PKN2: variants seen among roughly 807,000 people sequenced by gnomAD.
PKN2 encodes protein kinase N2, also known as serine/threonine-protein kinase N2.
A neutral mutation model predicts 119.1 loss-of-function variants in PKN2; 38 were observed. The ratio of observed to expected loss-of-function variants is 0.32; its 90% CI spans 0.25 to 0.42. The LOEUF is 0.42. PKN2 is among the 10% of genes least tolerant of loss of function. PKN2 has a pLI of 1.00. For missense variants in PKN2, 850 were observed against 1,165.1 expected, an observed-to-expected ratio of 0.73 and a Z score of 3.94; for synonymous variants, 390 against 384.9, an observed-to-expected ratio of 1.01 and a Z score of -0.15.
chr1:88,728,640 A>T (rs750805483), intron 1 of PKN2, among the ~76,000 whole-genome samples: 1 of 152,168 alleles, frequency 6.6e-6, no homozygotes, highest in African/African-American at 2.4e-5. Context: ...ATGGGTTAAC[A>T]GTTCTGATCC....
At chr1:88,815,818 G>A (rs145317108) in intron 16 of PKN2, among the ~76,000 whole-genome samples, 332 of 152,290 alleles carry the variant, frequency 2.2e-3, no homozygotes, top group Middle Eastern at 3.4e-3. Flanking sequence ...GATGGTATAC[G>A]CAATTAATCA....
rs145080228 is a variant in PKN2, at chr1:88,746,364, T to C, written c.349+5076T>C. Reference sequence around the variant, plus strand: ...AATGGGAGAAAATATTTATAAATTATATATTGGATAAGGGGTCAGTAAGGA... The same window carrying C: ...AATGGGAGAAAATATTTATAAATTACATATTGGATAAGGGGTCAGTAAGGA... On this transcript the variant is annotated intron_variant, in intron 2 of 21. Coordinates refer to ENST00000370521, the MANE Select transcript of PKN2 (RefSeq NM_006256.4). Among the ~76,000 whole-genome samples, 6 of 152,220 alleles carry C rather than the reference T, an allele frequency of 3.9e-5. No homozygotes were observed. In the East Asian group the frequency reaches 1.2e-3, roughly 29 times the overall value.
intron 1 of PKN2, among the ~76,000 whole-genome samples, chr1:88,700,264 C>T (rs1383155790): frequency 1.3e-5 from 2 of 152,056 alleles, no homozygotes; most frequent in African/African-American, 4.8e-5. Flanking sequence ...AGGGTATATA[C>T]CCAGTAATGG....
chr1:88,800,085 T>A (rs1372546479), intron 8 of PKN2, among the ~76,000 whole-genome samples: 1 of 152,064 alleles, frequency 6.6e-6, no homozygotes, highest in Admixed American at 6.6e-5. Flanking sequence ...TGGAGCCTGG[T>A]TCTCATTTTC....
chr1:88,692,618 T>C (rs571191724), intron 1 of PKN2, among the ~76,000 whole-genome samples: 1 of 152,370 alleles, frequency 6.6e-6, no homozygotes, highest in African/African-American at 2.4e-5. Flanking sequence ...TTATCACTGA[T>C]GTAGAACACT....
chr1:88,726,874 G>C (rs891664606), intron 1 of PKN2, among the ~76,000 whole-genome samples: 5 of 151,922 alleles, frequency 3.3e-5, no homozygotes, highest in African/African-American at 1.2e-4. Flanking sequence ...GGTCTATCAT[G>C]GTGAGCATTT....
chr1:88,826,578 C>A (rs368423776), intron 18 of PKN2, among the ~76,000 whole-genome samples: 4 of 152,036 alleles, frequency 2.6e-5, no homozygotes, highest in Non-Finnish European at 5.9e-5. Flanking sequence ...TCATCCACCC[C>A]CCTTCCACCT....
At position 88,829,013 on chromosome 1, in the gene PKN2, TC is replaced by T. The variant is rs777941427; in HGVS notation, c.2562+392del. On this transcript the variant is annotated intron_variant, in intron 19 of 21. Coordinates refer to ENST00000370521, the MANE Select transcript of PKN2 (RefSeq NM_006256.4). ...TGTTACCTTCGACTTCCTCCAGACT[TC>T]CGTCTGAGCAACACACTCTGCATCC... The T allele has an allele frequency of 7.8e-6, 5 of 642,280 alleles. 1 individual carries two copies. Among genetic ancestry groups the T allele is most frequent in the South Asian group, 3.0e-5 (2 of 66,498 alleles). 39.8% of individuals were successfully genotyped at this position (642,280 alleles called of 1,614,324 possible).
intron 8 of PKN2, among the ~76,000 whole-genome samples, chr1:88,800,970 T>C (rs1671282350): frequency 6.6e-6 from 1 of 152,166 alleles, no homozygotes; most frequent in African/African-American, 2.4e-5. Flanking sequence ...TTTTACTCCG[T>C]CTAGAATATC....
At chr1:88,774,528 A>G (rs79816059) in intron 6 of PKN2, among the ~76,000 whole-genome samples, 2,954 of 152,316 alleles carry the variant, frequency 0.019, 94 homozygotes, top group African/African-American at 0.066. Context: ...GGAAATTCCA[A>G]AGGTTTAGAC....
chr1:88,759,489 A>G (rs1383662575), intron 2 of PKN2, among the ~76,000 whole-genome samples: 5 of 152,152 alleles, frequency 3.3e-5, no homozygotes, highest in Admixed American at 6.5e-5. Flanking sequence ...TGTCTTTTCA[A>G]AAGTATCTGT....
At chr1:88,828,755 T>G in intron 19 of PKN2, 132 bp downstream of exon 19, 1 of 691,840 alleles carries the variant, frequency 1.4e-6, no homozygotes, top group Non-Finnish European at 2.4e-6. Context: ...TATAGTATAC[T>G]AGTAGTCAGC....
chr1:88,727,399 G>C (rs939559384), intron 1 of PKN2, among the ~76,000 whole-genome samples: 1 of 152,064 alleles, frequency 6.6e-6, no homozygotes, highest in African/African-American at 2.4e-5. Context: ...TTAAACTCCT[G>C]AGCTCAAGCA....
In PKN2 at chr1:88,805,944, C is replaced by A; in HGVS notation, c.1730C>A (p.Ala577Asp). Reference protein sequence around the residue: ...DFDLEPEPPPAPPRASSLGEI... With the variant: ...DFDLEPEPPPDPPRASSLGEI... ...GATCTTGAGCCTGAACCTCCTCCAG[C>A]CCCACCACGAGCTTCTTCTCTTGGA... The change falls in exon 12 of 22, where the codon GCC becomes GAC. Residue 577 changes from alanine to aspartate, a missense_variant. Around this residue, in one of 9 missense-constraint regions of PKN2, gnomAD observed 216 missense variants for 252.8 expected, o/e 0.85. Coordinates refer to ENST00000370521, the MANE Select transcript of PKN2 (RefSeq NM_006256.4). The A allele has an allele frequency of 6.2e-7, 1 of 1,613,288 alleles. No homozygotes were observed.
chr1:88,787,488 T>C (rs1670628399), intron 8 of PKN2, among the ~76,000 whole-genome samples: 1 of 152,212 alleles, frequency 6.6e-6, no homozygotes, highest in Non-Finnish European at 1.5e-5. Flanking sequence ...GGACTGGTAC[T>C]AGACCTTCAG....
chr1:88,699,072 T>G (rs1022940534), intron 1 of PKN2, among the ~76,000 whole-genome samples: 2 of 152,072 alleles, frequency 1.3e-5, no homozygotes, highest in African/African-American at 4.8e-5. Context: ...ATTCTTTCCT[T>G]CCTTCCTTCT....
At chr1:88,755,165 A>G (rs892982081) in intron 2 of PKN2, among the ~76,000 whole-genome samples, 4 of 152,150 alleles carry the variant, frequency 2.6e-5, no homozygotes, top group African/African-American at 4.8e-5. Context: ...TGAGAGTATT[A>G]ATGGGGAGTA....
intron 1 of PKN2, among the ~76,000 whole-genome samples, chr1:88,735,699 A>G (rs1668321503): frequency 1.4e-5 from 2 of 139,758 alleles, no homozygotes; most frequent in South Asian, 2.2e-4. Flanking sequence ...TGAGAAGTCT[A>G]TTGCTAGACA....
intron 2 of PKN2, 32 bp downstream of exon 2, chr1:88,741,320 G>A (rs768373431): frequency 1.6e-6 from 2 of 1,283,682 alleles, no homozygotes; most frequent in Middle Eastern, 2.9e-4. Context: ...TGTTTATATG[G>A]TATATTAATA....
Sources: gnomAD v4.1 joint callset for allele counts (sites outside exome capture counted in the v4.1 genomes callset) on GRCh38, gnomAD v4.1.1 for gene constraint, gnomAD v4.1.1 regional missense constraint, MANE v1.5 for transcripts, NCBI Gene and HGNC (gene_info 2026-07-23, HGNC 2026-07-21) for gene names.